PGBD5: variants seen among roughly 807,000 people sequenced by gnomAD.
PGBD5 encodes piggyBac transposable element-derived protein 5.
A neutral mutation model predicts 47.9 loss-of-function variants in PGBD5; 14 were observed. That is an observed-to-expected ratio of 0.29 (90% CI 0.19 to 0.46). The LOEUF (loss-of-function observed/expected upper bound fraction) is 0.46, where lower values mean the gene tolerates loss of function less well. Among genes scored for constraint, PGBD5 ranks in the 20% least tolerant of loss-of-function variants. The pLI is 1.00. For synonymous variants in PGBD5, 316 were observed against 306.3 expected, an observed-to-expected ratio of 1.03 and a Z score of -0.33; for missense variants, 635 against 716.0, an observed-to-expected ratio of 0.89 and a Z score of 1.29.
intron 1 of PGBD5, among the ~76,000 whole-genome samples, chr1:230,380,668 TG>T (rs1322728305): frequency 6.6e-6 from 1 of 152,224 alleles, no homozygotes; most frequent in African/African-American, 2.4e-5. Flanking sequence ...AAGAAAACCC[TG>T]TAAGCAAATG....
At chr1:230,353,013 A>G (rs1023316959) in intron 2 of PGBD5, among the ~76,000 whole-genome samples, 2 of 152,220 alleles carry the variant, frequency 1.3e-5, no homozygotes, top group African/African-American at 4.8e-5. Context: ...TTGCAAATTT[A>G]TATTTAATCA....
In PGBD5 at chr1:230,412,373, G is replaced by A. The variant is rs527639377; in HGVS notation, c.331+13225C>T. Among the ~76,000 whole-genome samples the A allele has an allele frequency of 6.0e-5, 9 of 150,752 alleles. No homozygotes were observed. In the South Asian group the frequency reaches 1.9e-3, roughly 32 times the overall value. ...ATTTTCTATTCATTAAGGGGAAATGGATCATCCTAAAGTCTTTTTTTTTTT... is the reference window on the plus strand; with the variant it reads ...ATTTTCTATTCATTAAGGGGAAATGAATCATCCTAAAGTCTTTTTTTTTTT... On this transcript the variant is annotated intron_variant, in intron 1 of 6. Transcript: ENST00000391860.
chr1:230,318,418 T>C lies in PGBD5; in HGVS notation c.*5007A>G, dbSNP rs949162156. The stretch of plus-strand genomic sequence containing the variant: ...ATTTGGGCAGACAGCCAAGCCCGCA[T>C]TGACTGACACAGGGCCGTAACAGGA... On this transcript the variant is annotated 3_prime_UTR_variant, in exon 7 of 7. Coordinates refer to ENST00000391860, the MANE Select transcript of PGBD5 (RefSeq NM_001258311.2). 1 of 152,254 alleles carries C rather than the reference T, an allele frequency of 6.6e-6. No individual in the cohort carries two copies. The highest frequency in any genetic ancestry group is 2.4e-5 in the African/African-American group (1 of 41,452). 9.4% of individuals were successfully genotyped at this position (152,254 alleles called of 1,614,324 possible). A position where few individuals can be genotyped will look rare whatever the true frequency, so the allele number is the denominator to read the frequency against.
At chr1:230,346,358 T>C (rs1264313779) in intron 3 of PGBD5, among the ~76,000 whole-genome samples, 2 of 152,134 alleles carry the variant, frequency 1.3e-5, no homozygotes, top group African/African-American at 4.8e-5. Context: ...GTATTTTCAA[T>C]TTACTAGGGG....
chr1:230,396,246 C>T lies in PGBD5; in HGVS notation c.331+29352G>A, dbSNP rs914662372. Among the ~76,000 whole-genome samples the T allele has an allele frequency of 5.8e-3, 88 of 15,152 alleles. 3 individuals carry two copies. The highest frequency in any genetic ancestry group is 8.5e-3 in the East Asian group (3 of 354). 9.9% of individuals were successfully genotyped at this position (15,152 alleles called of 152,430 possible). On this transcript the variant is annotated intron_variant, in intron 1 of 6. Transcript: ENST00000391860. ...CTCCTTTTTACCCCCACACTCCTCC[C>T]TTTTACCCCCACACTCCTCCTTTTT... is the stretch of plus-strand genomic sequence containing the variant.
chr1:230,354,458 GAGAGCA>G (rs1404717713), intron 2 of PGBD5, among the ~76,000 whole-genome samples: 1 of 152,230 alleles, frequency 6.6e-6, no homozygotes, highest in Non-Finnish European at 1.5e-5. Flanking sequence ...CAAGAGGCCA[GAGAGCA>G]AGGGAGTCAG....
intron 1 of PGBD5, among the ~76,000 whole-genome samples, chr1:230,393,362 TGGCGGGGATGCGA>T (rs1656838945): frequency 6.7e-6 from 1 of 150,064 alleles, no homozygotes; most frequent in Admixed American, 6.6e-5. Context: ...AGGAGACCAC[TGGCGGGGATGCGA>T]GGAGGAGGAG....
intron 1 of PGBD5, among the ~76,000 whole-genome samples, chr1:230,412,836 C>T (rs1657441238): frequency 6.6e-6 from 1 of 152,066 alleles, no homozygotes; most frequent in African/African-American, 2.4e-5. Context: ...CTGTGTTGTT[C>T]AAGAGTCAAC....
At chr1:230,333,527 G>A (rs1259840068) in intron 4 of PGBD5, among the ~76,000 whole-genome samples, 2 of 152,188 alleles carry the variant, frequency 1.3e-5, no homozygotes, top group African/African-American at 2.4e-5. Flanking sequence ...TGAAGCCCAG[G>A]ACTGTCCAGC....
chr1:230,393,146 A>G (rs270860), intron 1 of PGBD5, among the ~76,000 whole-genome samples: 29,247 of 130,296 alleles, frequency 0.22, 3,898 homozygotes, highest in Non-Finnish European at 0.3. Context: ...GGGAGGAAGA[A>G]GAGGAGGAAG....
Position 230,425,628 on chromosome 1 carries a change from G to A in PGBD5, c.301C>T (p.Arg101Cys), listed in dbSNP as rs2102759177. The change falls in exon 1 of 7, where the codon CGC (arginine) becomes TGC (cysteine). Residue 101 changes from arginine to cysteine, a missense_variant. By Grantham distance (180) the Arg-to-Cys change is radical. Coordinates refer to ENST00000391860, the MANE Select transcript of PGBD5 (RefSeq NM_001258311.2). This position sits in a 1 kb window ranked among gnomAD's most constrained non-coding sequence, Gnocchi z 4.7. ...GTATCCTCGAAGCGCGGGGGCGGGC[G>A]GTCCCGCAGCGCTGCGCTCCAGCCC... ...GAGWSAALRDRPPPRFEDTGG... is the reference protein window; with the variant it reads ...GAGWSAALRDCPPPRFEDTGG... 3 of 1,220,184 alleles carry A rather than the reference G, an allele frequency of 2.5e-6. No homozygotes were observed. The highest frequency in any genetic ancestry group is 3.3e-5 in the East Asian group (1 of 30,634). The allele number at this position is 1,220,184 out of a possible 1,614,324, so 75.6% of individuals were successfully genotyped here.
At chr1:230,329,342 G>A (rs1667177862) in intron 5 of PGBD5, among the ~76,000 whole-genome samples, 1 of 151,996 alleles carries the variant, frequency 6.6e-6, no homozygotes, top group Non-Finnish European at 1.5e-5. Flanking sequence ...AGAATCTGGA[G>A]TAAAAAAAAA....
At chr1:230,394,475 G>T (rs1473618009) in intron 1 of PGBD5, among the ~76,000 whole-genome samples, 3 of 105,994 alleles carry the variant, frequency 2.8e-5, no homozygotes, top group African/African-American at 3.8e-5. Flanking sequence ...GTTGGCCAGG[G>T]TCCTCCAATC....
chr1:230,346,575 T>A (rs1446482003), intron 3 of PGBD5, among the ~76,000 whole-genome samples: 1 of 152,188 alleles, frequency 6.6e-6, no homozygotes, highest in African/African-American at 2.4e-5. Flanking sequence ...ATCGCAAGAT[T>A]TCCTGAGCCC....
chr1:230,337,602 T>C (rs1028276285), intron 3 of PGBD5, among the ~76,000 whole-genome samples: 8 of 152,186 alleles, frequency 5.3e-5, no homozygotes, highest in Non-Finnish European at 1.0e-4. Context: ...ATGATTTAAA[T>C]TCACTATAAA....
Position 230,316,039 on chromosome 1 carries a change from T to TGTATACATAC in PGBD5, c.*7385_*7386insGTATGTATAC, listed in dbSNP as rs1558186676. 1 of 111,220 alleles carries TGTATACATAC rather than the reference T, an allele frequency of 9.0e-6. No individual in the cohort carries two copies. Among genetic ancestry groups the TGTATACATAC allele is most frequent in the African/African-American group, 4.4e-5 (1 of 22,740 alleles). 6.9% of individuals were successfully genotyped at this position (111,220 alleles called of 1,614,324 possible). A position where few individuals can be genotyped will look rare whatever the true frequency, so the allele number is the denominator to read the frequency against. ...ATATGTATGTGTATACATACATAAG[T>TGTATACATAC]ATATGTGTACACATATATGTATGTG... is the stretch of plus-strand genomic sequence containing the variant. On this transcript the variant is annotated 3_prime_UTR_variant, in exon 7 of 7. Transcript: ENST00000391860.
intron 3 of PGBD5, among the ~76,000 whole-genome samples, chr1:230,338,131 G>T (rs1290026979): frequency 5.9e-5 from 9 of 152,094 alleles, no homozygotes; most frequent in Non-Finnish European, 1.2e-4. Context: ...CATGCAGCTC[G>T]CATGTTGCCT....
rs138067557 is a variant in PGBD5 at position 230,323,905 on chromosome 1, C to T, written c.1380-285G>A. 0.013 allele frequency among the ~76,000 whole-genome samples: 2,042 copies of T among 152,322 alleles called. 118 individuals are homozygous for T. The highest frequency in any genetic ancestry group is 0.088 in the Admixed American group (1,339 of 15,296). On this transcript the variant is annotated intron_variant, in intron 6 of 6. Coordinates refer to ENST00000391860, the MANE Select transcript of PGBD5 (RefSeq NM_001258311.2). The surrounding 1 kb of genome is among the most constrained non-coding windows in gnomAD (Gnocchi z 4.1). The stretch of plus-strand genomic sequence containing the variant: ...GGTGTGCTGGGGTGGCGCACAGCCC[C>T]GGAGTGGACAGGCGCCTGCCAGCCT...
At chr1:230,364,392 T>TCCAA (rs1667794420) in intron 1 of PGBD5, among the ~76,000 whole-genome samples, 1 of 152,236 alleles carries the variant, frequency 6.6e-6, no homozygotes, top group Non-Finnish European at 1.5e-5. Flanking sequence ...ACCTCCTAAA[T>TCCAA]GGTATCTTCC....
Sources: allele counts gnomAD v4.1 joint callset (sites outside exome capture counted in the v4.1 genomes callset), GRCh38; gene constraint gnomAD v4.1.1; non-coding constraint Gnocchi (gnomAD v3.1); transcripts MANE v1.5; gene names NCBI Gene and HGNC (gene_info 2026-07-23, HGNC 2026-07-21).